The following UBL3 variants were observed in gnomAD, a reference collection of about 807,000 sequenced individuals.
UBL3 encodes ubiquitin-like protein 3.
In UBL3, 6 loss-of-function variants were observed where a neutral mutation model predicts 18.4. The observed-to-expected ratio is 0.33, with a 90% confidence interval of 0.18 to 0.64. UBL3 has a LOEUF of 0.64. UBL3 is among the 30% of genes least tolerant of loss of function. The pLI is 0.76. For missense variants in UBL3, 109 were observed against 142.9 expected (o/e 0.76, Z 1.21); for synonymous variants, 49 against 46.6 (o/e 1.05, Z -0.21).
chr13:29,768,756 T>G (rs1009894781), intron 3 of UBL3, among the ~76,000 whole-genome samples: 1 of 151,762 alleles, frequency 6.6e-6, no homozygotes, highest in Non-Finnish European at 1.5e-5. Flanking sequence ...AAATACATAA[T>G]GAAAAAAGGG....
intron 1 of UBL3, among the ~76,000 whole-genome samples, chr13:29,780,170 C>G (rs1642978768): frequency 6.6e-6 from 1 of 151,318 alleles, no homozygotes; most frequent in African/African-American, 2.4e-5. Context: ...CTGGCTAACA[C>G]AGTGAAACCC....
chr13:29,842,950 A>G (rs930934620), intron 1 of UBL3, among the ~76,000 whole-genome samples: 1 of 152,202 alleles, frequency 6.6e-6, no homozygotes, highest in South Asian at 2.1e-4. Flanking sequence ...TTTTAAACAC[A>G]TATTATTTTT....
chr13:29,789,107 C>T (rs1300743834), intron 1 of UBL3, among the ~76,000 whole-genome samples: 1 of 152,136 alleles, frequency 6.6e-6, no homozygotes, highest in Non-Finnish European at 1.5e-5. Flanking sequence ...CCATGTTGGT[C>T]AGGCTAGTTT....
At chr13:29,786,702 C>T (rs1877327749) in intron 1 of UBL3, among the ~76,000 whole-genome samples, 1 of 152,156 alleles carries the variant, frequency 6.6e-6, no homozygotes, top group Non-Finnish European at 1.5e-5. Flanking sequence ...AACTAGGGTA[C>T]ATTTAGATAT....
At chr13:29,780,068 A>T (rs1419240060) in intron 1 of UBL3, among the ~76,000 whole-genome samples, 1 of 152,074 alleles carries the variant, frequency 6.6e-6, no homozygotes. Context: ...ACAAAGAAAA[A>T]TATAAACCAG....
At chr13:29,811,883 T>C (rs1878096937) in intron 1 of UBL3, among the ~76,000 whole-genome samples, 2 of 152,108 alleles carry the variant, frequency 1.3e-5, no homozygotes, top group South Asian at 4.1e-4. Flanking sequence ...AAAGCATTCC[T>C]AACTGATACA....
chr13:29,801,183 C>A (rs1443479695), intron 1 of UBL3, among the ~76,000 whole-genome samples: 1 of 152,146 alleles, frequency 6.6e-6, no homozygotes, highest in Non-Finnish European at 1.5e-5. Flanking sequence ...CTCTGGCATG[C>A]CACAGCCACC....
chr13:29,790,621 A>G (rs1877457306), intron 1 of UBL3, among the ~76,000 whole-genome samples: 1 of 152,140 alleles, frequency 6.6e-6, no homozygotes, highest in Non-Finnish European at 1.5e-5. Flanking sequence ...ACAAAACACT[A>G]CTTTATATGT....
chr13:29,808,903 T>G (rs1379987399), intron 1 of UBL3, among the ~76,000 whole-genome samples: 1 of 152,140 alleles, frequency 6.6e-6, no homozygotes, highest in Non-Finnish European at 1.5e-5. Context: ...TTGGAAGAGT[T>G]TTTAACTTTT....
At chr13:29,823,990 G>T (rs818763) in intron 1 of UBL3, among the ~76,000 whole-genome samples, 15,459 of 151,970 alleles carry the variant, frequency 0.1, 964 homozygotes, top group African/African-American at 0.17. Flanking sequence ...AGTTTGCTGA[G>T]AATGATGGTT....
intron 1 of UBL3, among the ~76,000 whole-genome samples, chr13:29,830,852 C>A (rs1482925654): frequency 2.6e-5 from 4 of 152,146 alleles, no homozygotes. Flanking sequence ...AAGAAAACTA[C>A]AAGAATTATA....
intron 1 of UBL3, among the ~76,000 whole-genome samples, chr13:29,795,512 T>C (rs1261731064): frequency 6.6e-6 from 1 of 151,798 alleles, no homozygotes; most frequent in Non-Finnish European, 1.5e-5. Flanking sequence ...ATTAGTTATA[T>C]TATTAACAAT....
chr13:29,840,790 T>C (rs536174678), intron 1 of UBL3, among the ~76,000 whole-genome samples: 73 of 152,186 alleles, frequency 4.8e-4, no homozygotes, highest in Non-Finnish European at 9.1e-4. Flanking sequence ...GAATATCCAT[T>C]ATGTCATTGT....
Position 29,764,884 on chromosome 13 carries a change from A to G in UBL3, c.*2371T>C, listed in dbSNP as rs1876625924. On this transcript the variant is annotated 3_prime_UTR_variant, in exon 5 of 5. Transcript: ENST00000380680. Reference sequence around the variant, plus strand: ...TCGTATTTTAACCACCAGGCAGTCCAAGGAATTATTTTTAAAGGGACAGCT... The same window carrying G: ...TCGTATTTTAACCACCAGGCAGTCCGAGGAATTATTTTTAAAGGGACAGCT... 6.6e-6 allele frequency: 1 copy of G among 152,208 alleles called. No individual in the cohort carries two copies. The highest frequency in any genetic ancestry group is 1.5e-5 in the Non-Finnish European group (1 of 68,032). 9.4% of individuals were successfully genotyped at this position (152,208 alleles called of 1,614,324 possible).
intron 1 of UBL3, among the ~76,000 whole-genome samples, chr13:29,827,472 C>T (rs1392188296): frequency 3.9e-5 from 6 of 152,114 alleles, no homozygotes; most frequent in Non-Finnish European, 1.5e-5. Context: ...CTGGTTTAAA[C>T]TCTGTTTTAT....
At chr13:29,848,719 G>C (rs960026767) in intron 1 of UBL3, among the ~76,000 whole-genome samples, 14 of 152,114 alleles carry the variant, frequency 9.2e-5, no homozygotes, top group African/African-American at 2.9e-4. Flanking sequence ...AAGGTTACAC[G>C]GTTACTGTTA....
At chr13:29,829,775 G>A (rs543124324) in intron 1 of UBL3, among the ~76,000 whole-genome samples, 10 of 152,248 alleles carry the variant, frequency 6.6e-5, no homozygotes, top group East Asian at 1.9e-4. Context: ...CATCTTCTGC[G>A]TCGCTCAGGC....
intron 1 of UBL3, among the ~76,000 whole-genome samples, chr13:29,841,823 G>C (rs1879108452): frequency 6.6e-6 from 1 of 152,186 alleles, no homozygotes; most frequent in South Asian, 2.1e-4. Flanking sequence ...CCTAGGCTGT[G>C]AGAAAGTAAA....
Position 29,767,252 on chromosome 13 carries a change from T to C in UBL3, c.*3A>G, listed in dbSNP as rs1565987084. On this transcript the variant is annotated 3_prime_UTR_variant, in exon 5 of 5. Transcript: ENST00000380680. ...ATATCACATCACACTAGGCAGACAGTGTTTACAGGATTACACAACAATTAC... is the reference window on the plus strand; with the variant it reads ...ATATCACATCACACTAGGCAGACAGCGTTTACAGGATTACACAACAATTAC... 6.2e-7 allele frequency: 1 copy of C among 1,612,932 alleles called. No homozygotes were observed. Among genetic ancestry groups the C allele is most frequent in the East Asian group, 2.2e-5 (1 of 44,850 alleles).
Sources: gnomAD v4.1 joint callset for allele counts (sites outside exome capture counted in the v4.1 genomes callset) on GRCh38, gnomAD v4.1.1 for gene constraint, MANE v1.5 for transcripts, NCBI Gene and HGNC (gene_info 2026-07-23, HGNC 2026-07-21) for gene names.